PRKX: variants seen among roughly 807,000 people sequenced by gnomAD.
The protein encoded by PRKX is cAMP-dependent protein kinase catalytic subunit PRKX.
A neutral mutation model predicts 22.0 loss-of-function variants in PRKX; 12 were observed. The ratio of observed to expected loss-of-function variants is 0.54; its 90% CI spans 0.35 to 0.88. The LOEUF is 0.88. Among genes scored for constraint, PRKX ranks in the 40% least tolerant of loss-of-function variants. The pLI is 0.01. For synonymous variants in PRKX, 134 were observed against 137.7 expected (o/e 0.97, Z 0.19); for missense variants, 217 against 308.0 (o/e 0.70, Z 2.21).
intron 1 of PRKX, among the ~76,000 whole-genome samples, chrX:3,697,171 C>A (rs200237765): frequency 9.0e-6 from 1 of 111,727 alleles, no homozygotes; most frequent in South Asian, 3.7e-4. Flanking sequence ...TTGGATAATA[C>A]GGCAAACCAT....
intron 3 of PRKX, among the ~76,000 whole-genome samples, chrX:3,643,350 T>C (rs894570613): frequency 2.7e-5 from 3 of 111,773 alleles, no homozygotes; most frequent in African/African-American, 9.8e-5. Flanking sequence ...GGCGAGCGGC[T>C]GAACCTGCAT....
chrX:3,711,718 C>CG (rs1928793405), intron 1 of PRKX, among the ~76,000 whole-genome samples: 4 of 110,376 alleles, frequency 3.6e-5, no homozygotes, highest in South Asian at 3.9e-4. Context: ...GACAGCTTTC[C>CG]GGGGGGACCA....
In PRKX at chrX:3,617,893, G is replaced by T. The variant is rs1199692731; in HGVS notation, c.874-2001C>A. ...CGTTACCTACGGCACCTAATACTTG[G>T]TAATGATAATAAATGACTATGTCCC... On this transcript the variant is annotated intron_variant, in intron 6 of 8. Coordinates refer to ENST00000262848, the MANE Select transcript of PRKX (RefSeq NM_005044.5). Among the ~76,000 whole-genome samples, 4 of 108,936 alleles carry T rather than the reference G, an allele frequency of 3.7e-5. No individual in the cohort carries two copies. In the East Asian group the frequency reaches 1.2e-3, roughly 31 times the overall value. 94.6% of individuals were successfully genotyped at this position (108,936 alleles called of 115,157 possible).
intron 4 of PRKX, among the ~76,000 whole-genome samples, chrX:3,628,584 A>T (rs1387541516): frequency 9.0e-6 from 1 of 111,031 alleles, no homozygotes; most frequent in Admixed American, 9.7e-5. Flanking sequence ...AAAAAAATAT[A>T]TATTAGCTGA....
intron 3 of PRKX, among the ~76,000 whole-genome samples, chrX:3,642,278 C>T (rs1428867687): frequency 9.1e-6 from 1 of 110,036 alleles, no homozygotes. Context: ...TTATTTATAC[C>T]TTAGTATAAA....
intron 2 of PRKX, among the ~76,000 whole-genome samples, chrX:3,659,158 G>A (rs1927538272): frequency 9.1e-6 from 1 of 109,461 alleles, no homozygotes; most frequent in African/African-American, 3.3e-5. Context: ...GGCTGAGGTG[G>A]GAAGATCATT....
chrX:3,609,623 T>C (rs1926253368), intron 8 of PRKX, among the ~76,000 whole-genome samples: 1 of 107,204 alleles, frequency 9.3e-6, no homozygotes, highest in Non-Finnish European at 2.0e-5. Context: ...CCTGGCTAAC[T>C]TTTTTATTTT....
At chrX:3,634,258 A>T (rs750514724) in intron 4 of PRKX, among the ~76,000 whole-genome samples, 66 of 110,223 alleles carry the variant, frequency 6.0e-4, no homozygotes, top group African/African-American at 2.1e-3. Context: ...TAAAGAAAAA[A>T]AATAATAATA....
In PRKX at chrX:3,706,002, T is replaced by A. The variant is rs772024306; in HGVS notation, c.166+7086A>T. ...CCACCGCACCCGGCCGGTTTTTCTT[T>A]AAAAAAAAAAAAAAAACCACAATGT... is the stretch of plus-strand genomic sequence containing the variant. On this transcript the variant is annotated intron_variant, in intron 1 of 8. Transcript: ENST00000262848. Among the ~76,000 whole-genome samples the A allele has an allele frequency of 1.5e-4, 14 of 93,725 alleles. No individual in the cohort carries two copies. The South Asian group carries it at 5.9e-3, about 39-fold the overall frequency. The allele number at this position is 93,725 out of a possible 115,157, so 81.4% of individuals were successfully genotyped here.
At chrX:3,660,901 G>A (rs1927581412) in intron 2 of PRKX, among the ~76,000 whole-genome samples, 1 of 109,915 alleles carries the variant, frequency 9.1e-6, no homozygotes, top group Non-Finnish European at 1.9e-5. Context: ...GAGGAGAGGA[G>A]GGGAAGGAAG....
In PRKX at chrX:3,674,579, G is replaced by C; in HGVS notation, c.335+19C>G. 8.3e-7 allele frequency: 1 copy of C among 1,208,972 alleles called. No homozygotes were observed. The highest frequency in any genetic ancestry group is 1.1e-6 in the Non-Finnish European group (1 of 893,215). ...GTCTAGGGAGAGTGCGTGGGGAGAG[G>C]CTTCAGGAGGGGACTCACAGCCTGA... On this transcript the variant is annotated intron_variant, in intron 2 of 8. Coordinates refer to ENST00000262848, the MANE Select transcript of PRKX (RefSeq NM_005044.5).
chrX:3,613,706 G>GGATGTGGTGGCT (rs1316929638), intron 7 of PRKX, among the ~76,000 whole-genome samples: 2 of 106,375 alleles, frequency 1.9e-5, no homozygotes, highest in Non-Finnish European at 3.9e-5. Context: ...AAAATTAGCT[G>GGATGTGGTGGCT]GATGTGGTGG....
chrX:3,637,572 A>AATC (rs1190418223), intron 4 of PRKX, among the ~76,000 whole-genome samples: 1 of 111,110 alleles, frequency 9.0e-6, no homozygotes, highest in East Asian at 2.8e-4. Context: ...CACCCATGTG[A>AATC]AGAGACACAG....
intron 3 of PRKX, among the ~76,000 whole-genome samples, chrX:3,647,466 GA>G (rs1333984878): frequency 9.7e-6 from 1 of 103,340 alleles, no homozygotes; most frequent in Non-Finnish European, 2.0e-5. Flanking sequence ...ATTATAATTA[GA>G]ATATATTAGT....
intron 3 of PRKX, among the ~76,000 whole-genome samples, chrX:3,648,657 T>TGTGTGA (rs1423032631): frequency 1.7e-4 from 17 of 101,719 alleles, no homozygotes; most frequent in East Asian, 3.0e-4. Context: ...TGTGTGTGTG[T>TGTGTGA]GAAAGGGGTA....
intron 1 of PRKX, among the ~76,000 whole-genome samples, chrX:3,690,544 C>T (rs751833623): frequency 9.8e-5 from 11 of 111,753 alleles, no homozygotes; most frequent in Middle Eastern, 4.7e-3. Context: ...CCAGGCTAGA[C>T]AACAAAGCAA....
intron 6 of PRKX, among the ~76,000 whole-genome samples, chrX:3,617,858 C>G (rs1232623534): frequency 7.3e-5 from 8 of 109,909 alleles, no homozygotes; most frequent in Non-Finnish European, 1.5e-4. Flanking sequence ...GTGTAACAGT[C>G]TAACACATAC....
intron 3 of PRKX, among the ~76,000 whole-genome samples, chrX:3,652,059 A>G (rs148019530): frequency 1.2e-3 from 128 of 111,244 alleles, no homozygotes; most frequent in African/African-American, 4.0e-3. Context: ...ACGCTGAGGC[A>G]TAAGAACCAT....
intron 1 of PRKX, among the ~76,000 whole-genome samples, chrX:3,687,442 A>C (rs1475653571): frequency 1.8e-5 from 2 of 112,030 alleles, no homozygotes; most frequent in Non-Finnish European, 3.8e-5. Context: ...AACAAAAATC[A>C]CTAATTTTTT....
Sources: allele counts gnomAD v4.1 joint callset (sites outside exome capture counted in the v4.1 genomes callset), GRCh38; gene constraint gnomAD v4.1.1; transcripts MANE v1.5; gene names NCBI Gene and HGNC (gene_info 2026-07-23, HGNC 2026-07-21).